Variants in ADGRA2 observed in about 807,000 individuals in gnomAD.
ADGRA2 encodes the protein adhesion G protein-coupled receptor A2.
Under a neutral mutation model 98.7 loss-of-function variants are expected in ADGRA2, and 61 were observed. The ratio of observed to expected loss-of-function variants is 0.62; its 90% CI spans 0.50 to 0.76. The LOEUF (loss-of-function observed/expected upper bound fraction) is 0.76, where lower values mean the gene tolerates loss of function less well. Among genes scored for constraint, ADGRA2 ranks in the 30% least tolerant of loss-of-function variants. ADGRA2 has a pLI of 0.00. For synonymous variants in ADGRA2, 858 were observed against 831.5 expected (o/e 1.03, Z -0.55); for missense variants, 1,712 against 1,860.0 (o/e 0.92, Z 1.46).
chr8:37,817,860 T>C (rs1388028120), intron 2 of ADGRA2, among the ~76,000 whole-genome samples: 1 of 152,058 alleles, frequency 6.6e-6, no homozygotes, highest in East Asian at 1.9e-4. Flanking sequence ...CTACTAAAAA[T>C]ACAAAAATTA....
chr8:37,805,847 C>T (rs4976892), intron 1 of ADGRA2, among the ~76,000 whole-genome samples: 15,166 of 151,902 alleles, frequency 0.1, 1,284 homozygotes, highest in African/African-American at 0.22. Flanking sequence ...CTAGCCTGGG[C>T]GACAGAGTGA....
At position 37,830,665 on chromosome 8, in the gene ADGRA2, C is replaced by A. The variant is rs2130011901; in HGVS notation, c.719-45C>A. 8.6e-7 allele frequency: 1 copy of A among 1,160,038 alleles called. No homozygotes were observed. The highest frequency in any genetic ancestry group is 1.3e-5 in the South Asian group (1 of 75,360). The allele number at this position is 1,160,038 out of a possible 1,614,324, so 71.9% of individuals were successfully genotyped here. A position where few individuals can be genotyped will look rare whatever the true frequency, so the allele number is the denominator to read the frequency against. On this transcript the variant is annotated intron_variant, in intron 6 of 18. Coordinates refer to ENST00000412232, the MANE Select transcript of ADGRA2 (RefSeq NM_032777.10). This position sits in a 1 kb window ranked among gnomAD's most constrained non-coding sequence, Gnocchi z 4.8. Reference sequence around the variant, plus strand: ...ACTCTCGCTCACACGTGCAGCCTCACATGCGTGTGCACTCGGGCCTCACGC... The same window carrying A: ...ACTCTCGCTCACACGTGCAGCCTCAAATGCGTGTGCACTCGGGCCTCACGC...
At chr8:37,808,410 A>C (rs1339603349) in intron 1 of ADGRA2, among the ~76,000 whole-genome samples, 1 of 152,074 alleles carries the variant, frequency 6.6e-6, no homozygotes, top group East Asian at 1.9e-4. Context: ...GGGGTTGAAG[A>C]GGGCCGAGGC....
rs372027558 is a variant in ADGRA2, at chr8:37,834,042, G to A, written c.1522G>A (p.Glu508Lys). ...DEHLLWLAQR[E>K]DKACSRIVGA... ...GCACCTGCTGTGGCTGGCCCAGCGC[G>A]AGGACAAGGCCTGCAGCCGCATCGT... is the stretch of plus-strand genomic sequence containing the variant. Residue 508 changes from glutamate to lysine, a missense_variant, in exon 11 of 19, where the codon GAG becomes AAG. Transcript: ENST00000412232. The surrounding 1 kb of genome is among the most constrained non-coding windows in gnomAD (Gnocchi z 4.2). 14 of 1,612,880 alleles carry A rather than the reference G, an allele frequency of 8.7e-6. No individual in the cohort carries two copies. Among genetic ancestry groups the A allele is most frequent in the East Asian group, 2.2e-5 (1 of 44,884 alleles).
chr8:37,797,458 C>G lies in ADGRA2; in HGVS notation c.190C>G (p.Arg64Gly), dbSNP rs752283010. 3 of 1,421,556 alleles carry G rather than the reference C, an allele frequency of 2.1e-6. No homozygotes were observed. Among genetic ancestry groups the G allele is most frequent in the Non-Finnish European group, 2.8e-6 (3 of 1,087,378 alleles). 88.1% of individuals were successfully genotyped at this position (1,421,556 alleles called of 1,614,324 possible). ...LSGGVPGPAR[R>G]RVVCSGGDLP... ...CGGCGGCGTCCCTGGCCCGGCTCGGCGGAGGGTGGTGTGCAGCGGCGGGGA... is the reference window on the plus strand; with the variant it reads ...CGGCGGCGTCCCTGGCCCGGCTCGGGGGAGGGTGGTGTGCAGCGGCGGGGA... Residue 64 changes from arginine to glycine, a missense_variant, in exon 1 of 19, where the codon CGG becomes GGG. Coordinates refer to ENST00000412232, the MANE Select transcript of ADGRA2 (RefSeq NM_032777.10). The surrounding 1 kb of genome is among the most constrained non-coding windows in gnomAD (Gnocchi z 5.3).
Position 37,841,350 on chromosome 8 carries a change from G to T in ADGRA2, c.3012G>T (p.Gly1004=). Residue 1004 remains glycine (G), a synonymous_variant, in exon 19 of 19, where the codon GGG becomes GGT. Coordinates refer to ENST00000412232, the MANE Select transcript of ADGRA2 (RefSeq NM_032777.10). The surrounding 1 kb of genome is among the most constrained non-coding windows in gnomAD (Gnocchi z 5.0). ...GGAGCGCGCGAGTGGGGACGCCCGGGCCCCCGGAGGATGGTGACAGCCTCT... is the reference window on the plus strand; with the variant it reads ...GGAGCGCGCGAGTGGGGACGCCCGGTCCCCCGGAGGATGGTGACAGCCTCT... ...ATGSARVGTP[G]PPEDGDSLYS... 1 of 1,605,904 alleles carries T rather than the reference G, an allele frequency of 6.2e-7. No homozygotes were observed. The highest frequency in any genetic ancestry group is 8.5e-7 in the Non-Finnish European group (1 of 1,176,684).
In ADGRA2 at chr8:37,797,628, C is replaced by A; in HGVS notation, c.266+94C>A. 8.8e-7 allele frequency: 1 copy of A among 1,132,306 alleles called. No individual in the cohort carries two copies. The allele number at this position is 1,132,306 out of a possible 1,614,324, so 70.1% of individuals were successfully genotyped here. On this transcript the variant is annotated intron_variant, in intron 1 of 18. Transcript: ENST00000412232. This position sits in a 1 kb window ranked among gnomAD's most constrained non-coding sequence, Gnocchi z 5.3. Reference sequence around the variant, plus strand: ...GTGGGAGCAGGGGGAAGGGGGCTATCCCCCCACTTCAGAGATTTCTGGACA... The same window carrying A: ...GTGGGAGCAGGGGGAAGGGGGCTATACCCCCACTTCAGAGATTTCTGGACA...
chr8:37,828,840 C>T (rs368450295), intron 2 of ADGRA2, 48 bp from the exon 3 acceptor site: 53 of 1,485,682 alleles, frequency 3.6e-5, no homozygotes, highest in Admixed American at 3.9e-5. Flanking sequence ...GGGAGCAGGG[C>T]GGCTCCAGCG....
In ADGRA2 at chr8:37,828,975, TC is replaced by T; in HGVS notation, c.410+20del. ...TGAAGCGTTTGTGAGTGGCACGCCC[TC>T]CCCTGACCCCACCCCTCCCCTCCCG... is the stretch of plus-strand genomic sequence containing the variant. On this transcript the variant is annotated intron_variant, in intron 3 of 18. Coordinates refer to ENST00000412232, the MANE Select transcript of ADGRA2 (RefSeq NM_032777.10). 1 of 1,537,436 alleles carries T rather than the reference TC, an allele frequency of 6.5e-7. No homozygotes were observed.
Position 37,839,560 on chromosome 8 carries a change from A to G in ADGRA2, c.2449A>G (p.Met817Val). ...MLLNLCFHIAMTSAVFAGGIT... is the reference protein window; with the variant it reads ...MLLNLCFHIAVTSAVFAGGIT... The stretch of plus-strand genomic sequence containing the variant: ...GCTGAACTTGTGCTTCCACATAGCC[A>G]TGACCTCTGCTGTCTTTGCGGGGGG... The change falls in exon 16 of 19, where the codon ATG (methionine) becomes GTG (valine). Residue 817 changes from methionine to valine, a missense_variant. Coordinates refer to ENST00000412232, the MANE Select transcript of ADGRA2 (RefSeq NM_032777.10). 1.2e-6 allele frequency: 2 copies of G among 1,614,140 alleles called. No individual in the cohort carries two copies. Among genetic ancestry groups the G allele is most frequent in the African/African-American group, 1.3e-5 (1 of 75,044 alleles).
intron 17 of ADGRA2, 34 bp from the exon 18 acceptor site, chr8:37,840,726 A>C: frequency 8.8e-7 from 1 of 1,139,326 alleles, no homozygotes; most frequent in Non-Finnish European, 1.3e-6. Flanking sequence ...CCCTTTCCCC[A>C]TCTCTGGGAC....
intron 2 of ADGRA2, among the ~76,000 whole-genome samples, chr8:37,827,767 G>T (rs561821370): frequency 6.8e-4 from 104 of 152,326 alleles, no homozygotes; most frequent in African/African-American, 2.5e-3. Flanking sequence ...GTCCACCTGG[G>T]CCTCGGCCAG....
chr8:37,815,924 C>T (rs1437570642), intron 2 of ADGRA2, among the ~76,000 whole-genome samples: 2 of 152,208 alleles, frequency 1.3e-5, no homozygotes, highest in African/African-American at 4.8e-5. Context: ...CTCTCACGCC[C>T]CCATCCCGTC....
intron 2 of ADGRA2, 43 bp from the exon 3 acceptor site, chr8:37,828,845 C>A: frequency 6.5e-7 from 1 of 1,531,786 alleles, no homozygotes; most frequent in South Asian, 1.2e-5. Context: ...CAGGGCGGCT[C>A]CAGCGGGGAG....
In ADGRA2 at chr8:37,837,955, G is replaced by A. The variant is rs1805669198; in HGVS notation, c.2259+16G>A. The A allele has an allele frequency of 1.1e-5, 16 of 1,452,782 alleles. No individual in the cohort carries two copies. Among genetic ancestry groups the A allele is most frequent in the Admixed American group, 2.8e-5 (1 of 35,342 alleles). The allele number at this position is 1,452,782 out of a possible 1,614,324, so 90.0% of individuals were successfully genotyped here. A position where few individuals can be genotyped will look rare whatever the true frequency, so the allele number is the denominator to read the frequency against. On this transcript the variant is annotated intron_variant, in intron 14 of 18. Transcript: ENST00000412232. ...CGTGCTCATGGTGGGTGTGAGGAGGGGTGACAAGTCGGGGGGGCAGGGACA... is the reference window on the plus strand; with the variant it reads ...CGTGCTCATGGTGGGTGTGAGGAGGAGTGACAAGTCGGGGGGGCAGGGACA...
rs1276427330 is a variant in ADGRA2 at position 37,826,035 on chromosome 8, C to T, written c.339-2853C>T. Among the ~76,000 whole-genome samples the T allele has an allele frequency of 2.6e-5, 4 of 152,026 alleles. No individual in the cohort carries two copies. The South Asian group carries it at 6.2e-4, about 24-fold the overall frequency. On this transcript the variant is annotated intron_variant, in intron 2 of 18. Coordinates refer to ENST00000412232, the MANE Select transcript of ADGRA2 (RefSeq NM_032777.10). The stretch of plus-strand genomic sequence containing the variant: ...GGAAGAGGGGCTGGGGCCTGGACGC[C>T]GCCTCGCTCCCATCTGCAGAGCATC...
chr8:37,798,019 G>A (rs1282392606), intron 1 of ADGRA2, among the ~76,000 whole-genome samples: 3 of 152,194 alleles, frequency 2.0e-5, no homozygotes, highest in Admixed American at 1.3e-4. Flanking sequence ...CCTTCAATTG[G>A]GGTCATCCCA....
rs180702553 is a variant in ADGRA2, at chr8:37,802,737, C to G, written c.266+5203C>G. On this transcript the variant is annotated intron_variant, in intron 1 of 18. Transcript: ENST00000412232. This position sits in a 1 kb window ranked among gnomAD's most constrained non-coding sequence, Gnocchi z 4.7. ...CATCCTCTGGGGCCTGGAAGCCCCTCCCCTGAGAGCTCCCTCTGCTGCAGG... is the reference window on the plus strand; with the variant it reads ...CATCCTCTGGGGCCTGGAAGCCCCTGCCCTGAGAGCTCCCTCTGCTGCAGG... 1.3e-5 allele frequency among the ~76,000 whole-genome samples: 2 copies of G among 152,168 alleles called. No individual in the cohort carries two copies. Among genetic ancestry groups the G allele is most frequent in the African/African-American group, 4.8e-5 (2 of 41,440 alleles).
chr8:37,826,735 G>A (rs984396225), intron 2 of ADGRA2, among the ~76,000 whole-genome samples: 2 of 152,142 alleles, frequency 1.3e-5, no homozygotes, highest in South Asian at 2.1e-4. Flanking sequence ...TCCTCCCAGC[G>A]GGCAGCCGGC....
Sources: gnomAD v4.1 joint callset for allele counts (sites outside exome capture counted in the v4.1 genomes callset) on GRCh38, gnomAD v4.1.1 for gene constraint, Gnocchi (gnomAD v3.1) non-coding constraint, MANE v1.5 for transcripts, NCBI Gene and HGNC (gene_info 2026-07-23, HGNC 2026-07-21) for gene names.